ECSCR: variants seen among roughly 807,000 people sequenced by gnomAD.
ECSCR encodes endothelial cell-specific chemotaxis regulator.
Under a neutral mutation model 16.7 loss-of-function variants are expected in ECSCR, and 12 were observed. The observed-to-expected ratio is 0.72, with a 90% CI of 0.46 to 1.17. The LOEUF is 1.17. Among genes scored for constraint, ECSCR ranks in the 50% most tolerant of loss-of-function variants. The probability of loss-of-function intolerance (pLI) is 0.00; values close to 1 mark genes in which losing one functional copy is unlikely to be tolerated. For missense variants in ECSCR, 122 were observed against 116.1 expected, an observed-to-expected ratio of 1.05 and a Z score of -0.23; for synonymous variants, 44 against 42.2, an observed-to-expected ratio of 1.04 and a Z score of -0.17.
At chr5:139,459,964 C>G (rs1156311799) in intron 1 of ECSCR, among the ~76,000 whole-genome samples, 1 of 152,176 alleles carries the variant, frequency 6.6e-6, no homozygotes, top group African/African-American at 2.4e-5. Flanking sequence ...AGCCCCATTC[C>G]CTTGTTGGCG....
chr5:139,454,562 G>A (rs1751115874), intron 8 of ECSCR, 40 bp downstream of exon 8: 1 of 398,106 alleles, frequency 2.5e-6, no homozygotes, highest in Non-Finnish European at 4.4e-6. Context: ...TGGGAGTTGG[G>A]GTCTGGGTGT....
At chr5:139,456,398 C>A (rs1751158789) in intron 5 of ECSCR, 76 bp downstream of exon 5, 2 of 397,626 alleles carry the variant, frequency 5.0e-6, no homozygotes, top group Non-Finnish European at 8.9e-6. Context: ...ATCTGAGAGC[C>A]AAGGGATAAG....
In ECSCR at chr5:139,458,147, C is replaced by G. The variant is rs1430852179; in HGVS notation, c.98G>C (p.Ser33Thr). ...NSQPTMTQTS[S>T]SQGGLGGLSL... ...CATGTGTTTGGTCTTACCCTGAGAG[C>G]TAGAGGTCTGGGTCATTGTGGGCTG... Residue 33 changes from serine to threonine, a missense_variant, in exon 2 of 10, where the codon AGC becomes ACC. Coordinates refer to ENST00000618155, the MANE Select transcript of ECSCR (RefSeq NM_001077693.4). 5 of 1,549,698 alleles carry G rather than the reference C, an allele frequency of 3.2e-6. No individual in the cohort carries two copies. The highest frequency in any genetic ancestry group is 2.6e-6 in the Non-Finnish European group (3 of 1,146,980).
intron 5 of ECSCR, among the ~76,000 whole-genome samples, 183 bp from the exon 6 acceptor site, chr5:139,455,619 C>T (rs1751140007): frequency 6.6e-6 from 1 of 152,080 alleles, no homozygotes; most frequent in Non-Finnish European, 1.5e-5. Flanking sequence ...AATGTTTCTG[C>T]TCAGGCAAGG....
chr5:139,449,981 C>T (rs910691393), intron 8 of ECSCR, among the ~76,000 whole-genome samples: 16 of 152,066 alleles, frequency 1.1e-4, no homozygotes, highest in African/African-American at 3.4e-4. Context: ...CTGCAACCTC[C>T]GCCTCTGGGT....
In ECSCR at chr5:139,449,120, G is replaced by C. The variant is rs2152087655; in HGVS notation, c.567C>G (p.Asn189Lys). ...TTTGTTTGCCATTATTCATGTTGAT[G>C]TTCTTCATGGAGATAAGGGTGATGC... ...KDSITLISMK[N>K]INMNNGKQSL... Residue 189 changes from asparagine to lysine, a missense_variant, in exon 9 of 10, where the codon AAC becomes AAG. Asn to Lys is a moderately conservative substitution (Grantham distance 94, BLOSUM62 0). Transcript: ENST00000618155. 6.5e-7 allele frequency: 1 copy of C among 1,537,202 alleles called. No individual in the cohort carries two copies. Among genetic ancestry groups the C allele is most frequent in the East Asian group, 2.4e-5 (1 of 40,912 alleles).
At chr5:139,454,563 G>A (rs1281800391) in intron 8 of ECSCR, 39 bp downstream of exon 8, 2 of 398,034 alleles carry the variant, frequency 5.0e-6, no homozygotes, top group Non-Finnish European at 8.9e-6. Flanking sequence ...GGGAGTTGGG[G>A]TCTGGGTGTC....
intron 2 of ECSCR, 158 bp downstream of exon 2, chr5:139,457,981 A>C: frequency 1.6e-6 from 1 of 617,820 alleles, no homozygotes; most frequent in Non-Finnish European, 2.0e-6. Context: ...CTGAAAAAAA[A>C]TCCTTAGATG....
chr5:139,449,918 C>T (rs998776310), intron 8 of ECSCR, among the ~76,000 whole-genome samples: 6 of 149,712 alleles, frequency 4.0e-5, no homozygotes, highest in African/African-American at 9.8e-5. Context: ...CCCCTTGAAA[C>T]GGAGTCTTGC....
At position 139,449,121 on chromosome 5, in the gene ECSCR, T is replaced by G. The variant is rs1445922214; in HGVS notation, c.566A>C (p.Asn189Thr). The G allele has an allele frequency of 6.5e-7, 1 of 1,537,200 alleles. No homozygotes were observed. The highest frequency in any genetic ancestry group is 1.2e-5 in the South Asian group (1 of 84,056). ...KDSITLISMK[N>T]INMNNGKQSL... ...TTGTTTGCCATTATTCATGTTGATG[T>G]TCTTCATGGAGATAAGGGTGATGCT... The change falls in exon 9 of 10, where the codon AAC (asparagine) becomes ACC (threonine). Residue 189 changes from asparagine (N) to threonine (T), a missense_variant. Asn to Thr is a moderately conservative substitution (Grantham distance 65, BLOSUM62 0). Transcript: ENST00000618155.
At position 139,448,634 on chromosome 5, in the gene ECSCR, G is replaced by C. The variant is rs537837405; in HGVS notation, c.*266C>G. 10 of 985,220 alleles carry C rather than the reference G, an allele frequency of 1.0e-5. No individual in the cohort carries two copies. In the South Asian group the frequency reaches 1.7e-4, roughly 17 times the overall value. 61.0% of individuals were successfully genotyped at this position (985,220 alleles called of 1,614,324 possible). ...TCATCACTTTCCTTGCTCTCTCTCT[G>C]TCACCTCCTCTTTCCTGTGGCTCTG... On this transcript the variant is annotated 3_prime_UTR_variant, in exon 10 of 10. Coordinates refer to ENST00000618155, the MANE Select transcript of ECSCR (RefSeq NM_001077693.4).
intron 8 of ECSCR, among the ~76,000 whole-genome samples, chr5:139,452,270 AGTGTGGG>A (rs1208857476): frequency 2.2e-4 from 4 of 18,468 alleles, no homozygotes; most frequent in East Asian, 3.4e-3. Flanking sequence ...ATATGTGTAT[AGTGTGGG>A]GTGTGGGGTG....
At chr5:139,460,696 G>A (rs948338420) in intron 1 of ECSCR, among the ~76,000 whole-genome samples, 4 of 152,080 alleles carry the variant, frequency 2.6e-5, no homozygotes, top group African/African-American at 9.7e-5. Flanking sequence ...ACAGCCGAGG[G>A]TGTCTCTGAC....
chr5:139,458,364 C>T (rs1346826411), intron 1 of ECSCR, 181 bp from the exon 2 acceptor site: 1 of 163,380 alleles, frequency 6.1e-6, no homozygotes, highest in Non-Finnish European at 1.2e-5. Context: ...CACAGTAGTG[C>T]ACACCTGGAG....
chr5:139,459,023 T>C (rs1751231595), intron 1 of ECSCR, among the ~76,000 whole-genome samples: 1 of 151,724 alleles, frequency 6.6e-6, no homozygotes, highest in African/African-American at 2.4e-5. Context: ...TGGCTCAGAG[T>C]CCCGAAGTCC....
Position 139,449,091 on chromosome 5 carries a change from A to G in ECSCR, c.596T>C (p.Leu199Pro), listed in dbSNP as rs1313702124. 7.2e-6 allele frequency: 11 copies of G among 1,537,016 alleles called. No homozygotes were observed. The African/African-American group carries it at 1.5e-4, about 21-fold the overall frequency. Reference sequence around the variant, plus strand: ...AGAAAAATGTACCTTCTCTGCTGAGAGACTTTGTTTGCCATTATTCATGTT... The same window carrying G: ...AGAAAAATGTACCTTCTCTGCTGAGGGACTTTGTTTGCCATTATTCATGTT... ...NINMNNGKQS[L>P]SAEKVL The change falls in exon 9 of 10, where the codon CTC becomes CCC. Residue 199 changes from leucine (L) to proline (P), a missense_variant. Coordinates refer to ENST00000618155, the MANE Select transcript of ECSCR (RefSeq NM_001077693.4).
rs533016026 is a variant in ECSCR at position 139,462,613 on chromosome 5, G to A, written c.58C>T (p.Arg20Ter). ...GAAAGCGGCAGGCACCTCTTACCTC[G>A]GAACAGGAGGAAGCCCAGGATCACC... ...CWVILGFLLF[R>*]GHNSQPTMTQ... Residue 20 changes from arginine to a stop codon, truncating the protein, a stop_gained, in exon 1 of 10, where the codon CGA becomes TGA. Transcript: ENST00000618155. LOFTEE classifies it high-confidence loss of function. 56 of 1,596,324 alleles carry A rather than the reference G, an allele frequency of 3.5e-5. No homozygotes were observed. The African/African-American group carries it at 3.7e-4, about 11-fold the overall frequency.
chr5:139,457,973 G>T, intron 2 of ECSCR, 166 bp from the exon 3 acceptor site: 1 of 621,938 alleles, frequency 1.6e-6, no homozygotes, highest in Non-Finnish European at 2.0e-6. Flanking sequence ...CAGCTAGGCT[G>T]AAAAAAAATC....
At position 139,457,119 on chromosome 5, in the gene ECSCR, C is replaced by T. The variant is rs1751174694; in HGVS notation, c.217+426G>A. On this transcript the variant is annotated intron_variant, in intron 4 of 9. Transcript: ENST00000618155. ...TGTGCACCGGGTGGGCTCTTCAGTCCAAAATCTTCCTCTTCTTTCCTGCTT... is the reference window on the plus strand; with the variant it reads ...TGTGCACCGGGTGGGCTCTTCAGTCTAAAATCTTCCTCTTCTTTCCTGCTT... 2.0e-5 allele frequency among the ~76,000 whole-genome samples: 3 copies of T among 152,334 alleles called. No homozygotes were observed. The South Asian group carries it at 6.2e-4, about 32-fold the overall frequency.
Sources: gnomAD v4.1 joint callset for allele counts (sites outside exome capture counted in the v4.1 genomes callset) on GRCh38, gnomAD v4.1.1 for gene constraint, MANE v1.5 for transcripts, NCBI Gene and HGNC (gene_info 2026-07-23, HGNC 2026-07-21) for gene names.